The following SV2C variants were observed in gnomAD, a reference collection of about 807,000 sequenced individuals.
The protein encoded by SV2C is solute carrier family 22 member B3.
SV2C carries 49 observed loss-of-function variants against 79.7 expected under a neutral mutation model. That is an observed-to-expected ratio of 0.61 (90% CI 0.49 to 0.78). The LOEUF is 0.78. Among genes scored for constraint, SV2C ranks in the 30% least tolerant of loss-of-function variants. The pLI is 0.00. For synonymous variants in SV2C, 334 were observed against 333.2 expected (o/e 1.00, Z -0.03); for missense variants, 833 against 912.9 (o/e 0.91, Z 1.13).
intron 4 of SV2C, among the ~76,000 whole-genome samples, chr5:76,257,571 G>C (rs756602317): frequency 6.6e-6 from 1 of 151,048 alleles, no homozygotes; most frequent in Non-Finnish European, 1.5e-5. Flanking sequence ...TGTGTGGGGG[G>C]ACATGGATAT....
Position 76,285,289 on chromosome 5 carries a change from G to A in SV2C, c.1041G>A (p.Leu347=), listed in dbSNP as rs1747315767. Residue 347 remains leucine, a synonymous_variant, in exon 5 of 13, where the codon TTG becomes TTA. Coordinates refer to ENST00000502798, the MANE Select transcript of SV2C (RefSeq NM_014979.4). ...TCATGCCTGAAAGCCCACGATTCTTGTTGGAGGTAACACTTATTATTGCAG... is the reference window on the plus strand; with the variant it reads ...TCATGCCTGAAAGCCCACGATTCTTATTGGAGGTAACACTTATTATTGCAG... ...LTFMPESPRF[L]LEVGKHDEAW... The A allele has an allele frequency of 1.9e-6, 3 of 1,614,104 alleles. No homozygotes were observed. Among genetic ancestry groups the A allele is most frequent in the East Asian group, 4.5e-5 (2 of 44,882 alleles).
chr5:76,223,079 G>A (rs1206012925), intron 4 of SV2C, among the ~76,000 whole-genome samples: 1 of 152,140 alleles, frequency 6.6e-6, no homozygotes, highest in Non-Finnish European at 1.5e-5. Flanking sequence ...GCTACCCCTT[G>A]TCTGTCCAGG....
rs546061767 is a variant in SV2C at position 76,316,926 on chromosome 5, G to A, written c.2001-8438G>A. Among the ~76,000 whole-genome samples the A allele has an allele frequency of 2.4e-3, 372 of 152,130 alleles. 3 individuals are homozygous for A. Among genetic ancestry groups the A allele is most frequent in the African/African-American group, 8.4e-3 (350 of 41,486 alleles). ...TCAGCATGTATGTTACCATGATCTC[G>A]TCTCACCCATCTTAGTGCAAATGGA... On this transcript the variant is annotated intron_variant, in intron 12 of 12. Transcript: ENST00000502798.
At chr5:76,021,661 TAACATCAGTTTTATTCCTTC>T in the SV2C span, among the ~76,000 whole-genome samples, 1 of 152,230 alleles carries the variant, frequency 6.6e-6, no homozygotes, top group Admixed American at 6.5e-5. Flanking sequence ...GTTTATCCAG[TAACATCAGTTTTATTCCTTC>T]AACATCAGTT....
chr5:75,943,551 T>C, the SV2C span, among the ~76,000 whole-genome samples: 1 of 152,172 alleles, frequency 6.6e-6, no homozygotes, highest in Non-Finnish European at 1.5e-5. Context: ...TTTTAATCTA[T>C]GAGCTCCCAA....
chr5:76,205,456 AATT>A (rs1400707521), intron 3 of SV2C, among the ~76,000 whole-genome samples: 1 of 152,182 alleles, frequency 6.6e-6, no homozygotes, highest in Non-Finnish European at 1.5e-5. Flanking sequence ...TACCAAGGAT[AATT>A]AAGATTTGAC....
upstream of SV2C, chr5:76,078,951 A>G: frequency 3.8e-6 from 2 of 523,290 alleles, no homozygotes; most frequent in Admixed American, 2.1e-5. Context: ...ACAATGTAGA[A>G]AAAAGAATGA....
chr5:76,043,926 C>A, the SV2C span, among the ~76,000 whole-genome samples: 1 of 152,028 alleles, frequency 6.6e-6, no homozygotes, highest in Admixed American at 6.6e-5. Context: ...ATTTTATATT[C>A]TGGGATACAT....
the SV2C span, among the ~76,000 whole-genome samples, chr5:76,003,896 A>G: frequency 1.3e-5 from 2 of 151,980 alleles, no homozygotes; most frequent in East Asian, 3.9e-4. Context: ...CAGAAGACAC[A>G]AAGCTGAGAG....
At chr5:76,269,046 A>G (rs1228223162) in intron 4 of SV2C, among the ~76,000 whole-genome samples, 4 of 152,320 alleles carry the variant, frequency 2.6e-5, no homozygotes, top group South Asian at 4.1e-4. Context: ...CACCTATGAC[A>G]TGGATGGACA....
Position 76,330,039 on chromosome 5 carries a change from C to T in SV2C, c.*4492C>T, listed in dbSNP as rs1450666363. 1 of 148,804 alleles carries T rather than the reference C, an allele frequency of 6.7e-6. No homozygotes were observed. The highest frequency in any genetic ancestry group is 1.5e-5 in the Non-Finnish European group (1 of 67,602). 9.2% of individuals were successfully genotyped at this position (148,804 alleles called of 1,614,324 possible). On this transcript the variant is annotated 3_prime_UTR_variant, in exon 13 of 13. Transcript: ENST00000502798. ...AGCAAAGTATGTATTTTAAGTAAAG[C>T]TTCTCTTGTTATCTGTAATGTAGAC...
chr5:76,097,793 C>T (rs10067484), intron 1 of SV2C, among the ~76,000 whole-genome samples: 29,707 of 152,078 alleles, frequency 0.2, 3,143 homozygotes, highest in East Asian at 0.42. Context: ...ATACAGAGAG[C>T]TCTTCTATCT....
chr5:75,850,637 T>TA, the SV2C span, among the ~76,000 whole-genome samples: 1,270 of 149,216 alleles, frequency 8.5e-3, 15 homozygotes, highest in African/African-American at 0.027. Context: ...TAAAGTATAA[T>TA]AAAAAAAAAA....
the SV2C span, among the ~76,000 whole-genome samples, chr5:75,972,840 G>T: frequency 6.6e-6 from 1 of 152,004 alleles, no homozygotes; most frequent in Admixed American, 6.5e-5. Context: ...AACACCCAAA[G>T]GATTATAAAT....
chr5:76,112,549 C>CTCCCCT (rs1230220952), intron 1 of SV2C, among the ~76,000 whole-genome samples: 2 of 152,122 alleles, frequency 1.3e-5, no homozygotes, highest in Non-Finnish European at 2.9e-5. Flanking sequence ...TTTCCTGCCA[C>CTCCCCT]ACCTTTGGTG....
At chr5:76,312,471 T>C (rs1213713643) in intron 12 of SV2C, among the ~76,000 whole-genome samples, 1 of 152,212 alleles carries the variant, frequency 6.6e-6, no homozygotes, top group Non-Finnish European at 1.5e-5. Context: ...CAGGCTGGTC[T>C]CGAACTCCTG....
chr5:76,007,450 G>A, the SV2C span, among the ~76,000 whole-genome samples: 1 of 152,096 alleles, frequency 6.6e-6, no homozygotes, highest in Non-Finnish European at 1.5e-5. Flanking sequence ...AAGAGTGAAT[G>A]AAATAATAGG....
At chr5:75,921,491 A>C in the SV2C span, 1 of 800,330 alleles carries the variant, frequency 1.2e-6, no homozygotes, top group South Asian at 1.3e-5. Context: ...GGTTGAACTT[A>C]GGGTTCTTGC....
the SV2C span, among the ~76,000 whole-genome samples, chr5:76,036,584 C>T: frequency 1.3e-5 from 2 of 152,238 alleles, no homozygotes; most frequent in Non-Finnish European, 2.9e-5. Context: ...CCACTCTCTT[C>T]TGGCATGTAG....
Sources: gnomAD v4.1 joint callset for allele counts (sites outside exome capture counted in the v4.1 genomes callset) on GRCh38, gnomAD v4.1.1 for gene constraint, MANE v1.5 for transcripts, NCBI Gene and HGNC (gene_info 2026-07-23, HGNC 2026-07-21) for gene names.